The following MGST1 variants were observed in gnomAD, a reference collection of about 807,000 sequenced individuals.
MGST1 encodes glutathione S-transferase 12.
MGST1 carries 5 observed loss-of-function variants against 8.9 expected under a neutral mutation model. The observed-to-expected ratio is 0.56, with a 90% CI of 0.29 to 1.19. MGST1 has a LOEUF of 1.19. Ranked by LOEUF, MGST1 falls within the 50% of genes most tolerant of loss-of-function variation. MGST1 has a pLI of 0.08. For missense variants in MGST1, 182 were observed against 187.4 expected (o/e 0.97, Z 0.17); for synonymous variants, 54 against 67.8 (o/e 0.80, Z 1.00).
At position 16,470,859 on chromosome 12, in the gene MGST1, A is replaced by G. The variant is rs140832011; in HGVS notation, n.482+87255A>G. 1.7e-4 allele frequency among the ~76,000 whole-genome samples: 26 copies of G among 152,320 alleles called. No homozygotes were observed. In the East Asian group the frequency reaches 3.5e-3, roughly 20 times the overall value. On this transcript the variant is annotated intron_variant and non_coding_transcript_variant, in intron 4 of 4. Transcript: ENST00000538857. ...CAAATTAAATTGCACATTAAGTTCT[A>G]TAGTTTTTGAGATCATTTAAAACAA...
intron 1 of MGST1, among the ~76,000 whole-genome samples, chr12:16,349,283 T>G (rs373871058): frequency 3.9e-5 from 6 of 152,144 alleles, no homozygotes; most frequent in African/African-American, 1.2e-4. Flanking sequence ...GAAGAGAACT[T>G]TGCTCATTTT....
chr12:16,478,716 A>G (rs908054108), intron 4 of MGST1, among the ~76,000 whole-genome samples: 3 of 152,156 alleles, frequency 2.0e-5, no homozygotes, highest in Non-Finnish European at 4.4e-5. Context: ...ATTGGACCAC[A>G]TGACATTTAT....
In MGST1 at chr12:16,458,104, TAAAG is replaced by T. The variant is rs934731152; in HGVS notation, n.482+74503_482+74506del. On this transcript the variant is annotated intron_variant and non_coding_transcript_variant, in intron 4 of 4. Transcript: ENST00000538857. The surrounding 1 kb of genome is among the most constrained non-coding windows in gnomAD (Gnocchi z 4.0). ...TTGCTTATTCATACAGAATACCCAT[TAAAG>T]AAGTGCAAAAGCGTGAACCCGAGGG... 4.6e-5 allele frequency among the ~76,000 whole-genome samples: 7 copies of T among 152,078 alleles called. No individual in the cohort carries two copies. The highest frequency in any genetic ancestry group is 1.7e-4 in the African/African-American group (7 of 41,520).
Position 16,560,617 on chromosome 12 carries a change from T to G in MGST1, n.483-28911T>G. 1 of 1,270,296 alleles carries G rather than the reference T, an allele frequency of 7.9e-7. No individual in the cohort carries two copies. Among genetic ancestry groups the G allele is most frequent in the Non-Finnish European group, 1.1e-6 (1 of 895,546 alleles). 78.7% of individuals were successfully genotyped at this position (1,270,296 alleles called of 1,614,324 possible). ...ATCGTGAAGAGAGATGATGTTAATA[T>G]ACTCTGTAAAGCTACAATACACAAT... On this transcript the variant is annotated intron_variant and non_coding_transcript_variant, in intron 4 of 4. Transcript: ENST00000538857. This position sits in a 1 kb window ranked among gnomAD's most constrained non-coding sequence, Gnocchi z 5.0.
chr12:16,360,488 A>C, intron 3 of MGST1: 2 of 453,474 alleles, frequency 4.4e-6, no homozygotes, highest in Non-Finnish European at 5.8e-6. Flanking sequence ...AAAGTCAGTT[A>C]TTTGAGTTCT....
chr12:16,486,186 C>G (rs922902692), intron 4 of MGST1, among the ~76,000 whole-genome samples: 3 of 152,196 alleles, frequency 2.0e-5, no homozygotes, highest in African/African-American at 7.2e-5. Flanking sequence ...TCTACCTTGA[C>G]AGAATTTTTC....
rs1470045137 is a variant in MGST1, at chr12:16,548,635, A to T, written n.483-40893A>T. ...TACTGGAGGCATCAGACAACAAGCT[A>T]AATGACGTTAGGGCTACACAACACA... On this transcript the variant is annotated intron_variant and non_coding_transcript_variant, in intron 4 of 4. Coordinates refer to the MGST1 transcript ENST00000538857. The surrounding 1 kb of genome is among the most constrained non-coding windows in gnomAD (Gnocchi z 4.2). 4 of 152,154 alleles carry T rather than the reference A, an allele frequency of 2.6e-5. No homozygotes were observed. Among genetic ancestry groups the T allele is most frequent in the Admixed American group, 1.3e-4 (2 of 15,262 alleles). 9.4% of individuals were successfully genotyped at this position (152,154 alleles called of 1,614,324 possible).
intron 3 of MGST1, among the ~76,000 whole-genome samples, chr12:16,360,101 T>A (rs2136974845): frequency 6.6e-6 from 1 of 152,314 alleles, no homozygotes; most frequent in South Asian, 2.1e-4. Context: ...GACACTGGCT[T>A]TTCCGCATAC....
intron 4 of MGST1, among the ~76,000 whole-genome samples, chr12:16,523,507 T>C (rs1350686895): frequency 6.6e-6 from 1 of 152,096 alleles, no homozygotes; most frequent in Admixed American, 6.6e-5. Context: ...CAATCACTGA[T>C]GTACATACTC....
intron 4 of MGST1, among the ~76,000 whole-genome samples, chr12:16,461,093 ATAGAG>A (rs1007883173): frequency 1.6e-4 from 25 of 152,016 alleles, no homozygotes; most frequent in African/African-American, 6.0e-4. Flanking sequence ...AACAAAGACT[ATAGAG>A]TAGAGTGCTT....
At position 16,410,155 on chromosome 12, in the gene MGST1, C is replaced by A. The variant is rs1331539222; in HGVS notation, n.778+26551C>A. Among the ~76,000 whole-genome samples the A allele has an allele frequency of 4.6e-5, 7 of 152,076 alleles. No homozygotes were observed. The highest frequency in any genetic ancestry group is 1.0e-4 in the Non-Finnish European group (7 of 68,002). On this transcript the variant is annotated intron_variant and non_coding_transcript_variant, in intron 1 of 1. Coordinates refer to the MGST1 transcript ENST00000359720. The surrounding 1 kb of genome is among the most constrained non-coding windows in gnomAD (Gnocchi z 4.4). ...TCAGGTTCAGCAAATGTCACAGGGT[C>A]AAAGTGGTTATAGTGCTATGCTTAC...
At chr12:16,508,992 A>G (rs1022685870) in intron 4 of MGST1, among the ~76,000 whole-genome samples, 2 of 152,276 alleles carry the variant, frequency 1.3e-5, no homozygotes, top group East Asian at 3.9e-4. Context: ...TGCTGCTGCT[A>G]TGTGCTTTTA....
At chr12:16,529,566 G>A (rs954436469) in intron 4 of MGST1, among the ~76,000 whole-genome samples, 32 of 152,042 alleles carry the variant, frequency 2.1e-4, no homozygotes, top group African/African-American at 7.5e-4. Flanking sequence ...TCTTCAGGCA[G>A]GGGTCACATC....
Position 16,508,928 on chromosome 12 carries a change from G to T in MGST1, n.483-80600G>T, listed in dbSNP as rs1039852827. On this transcript the variant is annotated intron_variant and non_coding_transcript_variant, in intron 4 of 4. Transcript: ENST00000538857. ...TAAAGTATGAATAGTAGGTGGTTAG[G>T]GGGTATTTTGGACTTACAGTACCCT... Among the ~76,000 whole-genome samples the T allele has an allele frequency of 7.4e-4, 112 of 152,218 alleles. 1 individual carries two copies. The highest frequency in any genetic ancestry group is 7.1e-3 in the Admixed American group (109 of 15,276).
downstream of MGST1, among the ~76,000 whole-genome samples, chr12:16,439,263 T>C (rs746510035): frequency 2.0e-5 from 3 of 151,850 alleles, no homozygotes; most frequent in Non-Finnish European, 4.4e-5. Context: ...TTTAGAAAGA[T>C]TCTCATTGCA....
intron 4 of MGST1, among the ~76,000 whole-genome samples, chr12:16,535,268 G>A (rs1054847471): frequency 4.6e-5 from 7 of 152,310 alleles, no homozygotes; most frequent in African/African-American, 1.4e-4. Context: ...TATACCTAAA[G>A]GGTGGTCATC....
rs993089654 is a variant in MGST1, at chr12:16,372,908, CATATTTTAT to C, written c.222-3202_222-3194del. 9.2e-4 allele frequency among the ~76,000 whole-genome samples: 128 copies of C among 139,476 alleles called. No homozygotes were observed. In the Middle Eastern group the frequency reaches 0.018, roughly 20 times the overall value. The allele number at this position is 139,476 out of a possible 152,430, so 91.5% of individuals were successfully genotyped here. On this transcript the variant is annotated intron_variant, in intron 3 of 3. Transcript: ENST00000535309. ...ATATTATGTAGTATATTATATATTA[CATATTTTAT>C]ATATTTTATATTGTATATTTTATAT...
At chr12:16,366,916 A>C (rs1295099645), downstream of MGST1, among the ~76,000 whole-genome samples, 2 of 152,232 alleles carry the variant, frequency 1.3e-5, no homozygotes, top group South Asian at 4.1e-4. This position sits in a 1 kb window ranked among gnomAD's most constrained non-coding sequence, Gnocchi z 4.0. Flanking sequence ...AGTGACTCTC[A>C]AATGAAATTG....
chr12:16,392,928 G>A (rs1284453930), intron 1 of MGST1, among the ~76,000 whole-genome samples: 2 of 152,106 alleles, frequency 1.3e-5, no homozygotes, highest in Non-Finnish European at 1.5e-5. Context: ...TAGGTAGATA[G>A]GTATAGACAT....
Sources: allele counts gnomAD v4.1 joint callset (sites outside exome capture counted in the v4.1 genomes callset), GRCh38; gene constraint gnomAD v4.1.1; non-coding constraint Gnocchi (gnomAD v3.1); transcripts MANE v1.5; gene names NCBI Gene and HGNC (gene_info 2026-07-23, HGNC 2026-07-21).